Variants in SMARCC1 observed in about 807,000 individuals in gnomAD.
SMARCC1 encodes the protein SWI/SNF related BAF chromatin remodeling complex subunit C1, also known as SWI/SNF complex subunit SMARCC1.
SMARCC1 carries 43 observed loss-of-function variants against 147.4 expected under a neutral mutation model. The ratio of observed to expected loss-of-function variants is 0.29; its 90% confidence interval spans 0.23 to 0.38. The LOEUF (loss-of-function observed/expected upper bound fraction) is 0.38, where lower values mean the gene tolerates loss of function less well. Ranked by LOEUF, SMARCC1 falls within the 10% of genes least tolerant of loss-of-function variation. The pLI, the probability that SMARCC1 is intolerant of heterozygous loss-of-function variation, is 1.00. For missense variants in SMARCC1, 1,119 were observed against 1,381.1 expected, an observed-to-expected ratio of 0.81 and a Z score of 3.01; for synonymous variants, 495 against 484.4, an observed-to-expected ratio of 1.02 and a Z score of -0.29.
At chr3:47,614,841 G>A (rs1440037525) in intron 25 of SMARCC1, among the ~76,000 whole-genome samples, 1 of 152,158 alleles carries the variant, frequency 6.6e-6, no homozygotes, top group Non-Finnish European at 1.5e-5. Flanking sequence ...TCACATTTCA[G>A]AGTAAAGCAA....
intron 10 of SMARCC1, among the ~76,000 whole-genome samples, chr3:47,703,194 A>G (rs1329046392): frequency 6.6e-6 from 1 of 152,112 alleles, no homozygotes; most frequent in East Asian, 1.9e-4. Context: ...TCAGCCTCCC[A>G]AAGTGCTAGG....
rs150891115 is a variant in SMARCC1, at chr3:47,605,875, A to G, written c.3043+4191T>C. 3.9e-5 allele frequency among the ~76,000 whole-genome samples: 6 copies of G among 152,312 alleles called. 1 individual carries two copies. Among genetic ancestry groups the G allele is most frequent in the African/African-American group, 1.4e-4 (6 of 41,580 alleles). On this transcript the variant is annotated intron_variant, in intron 26 of 27. Transcript: ENST00000254480. ...AGCCCAACTAGTCTACGGCGCTAGAAGTCAGGACAGTTGTTATCCTTGGAA... is the reference window on the plus strand; with the variant it reads ...AGCCCAACTAGTCTACGGCGCTAGAGGTCAGGACAGTTGTTATCCTTGGAA...
chr3:47,763,929 G>A (rs1278032064), intron 2 of SMARCC1, among the ~76,000 whole-genome samples: 3 of 151,042 alleles, frequency 2.0e-5, no homozygotes, highest in African/African-American at 7.3e-5. Context: ...ATGTTGTCCA[G>A]GCTGGTCTCA....
rs1559632155 is a variant in SMARCC1, at chr3:47,639,640, G to A, written c.2321-860C>T. ...GAGGCAGGAGAATCACTTGAACCAA[G>A]GAGGCGGAGGTTGCAGTGAGCCGAG... On this transcript the variant is annotated intron_variant, in intron 21 of 27. Transcript: ENST00000254480. Among the ~76,000 whole-genome samples, 3 of 152,114 alleles carry A rather than the reference G, an allele frequency of 2.0e-5. No homozygotes were observed. The South Asian group carries it at 6.2e-4, about 32-fold the overall frequency.
chr3:47,694,633 T>G (rs2033826977), intron 11 of SMARCC1, among the ~76,000 whole-genome samples: 1 of 152,206 alleles, frequency 6.6e-6, no homozygotes, highest in Non-Finnish European at 1.5e-5. Flanking sequence ...ACAGCCAAAT[T>G]GCATTGAATG....
Position 47,704,195 on chromosome 3 carries a change from A to T in SMARCC1, c.1040+2214T>A, listed in dbSNP as rs182774645. ...ACAAGTGCTGCATGATGATTTTTTT[A>T]AAAGCCTATAAACCTAAAGGCAGCA... On this transcript the variant is annotated intron_variant, in intron 10 of 27. Transcript: ENST00000254480. Among the ~76,000 whole-genome samples the T allele has an allele frequency of 4.0e-3, 602 of 152,312 alleles. 5 individuals carry two copies. The highest frequency in any genetic ancestry group is 0.013 in the African/African-American group (545 of 41,570).
chr3:47,756,817 T>C (rs1300164200), intron 2 of SMARCC1, among the ~76,000 whole-genome samples: 1 of 152,174 alleles, frequency 6.6e-6, no homozygotes, highest in African/African-American at 2.4e-5. Context: ...AGAAAAAGTT[T>C]ACCGTTTCCT....
intron 3 of SMARCC1, among the ~76,000 whole-genome samples, chr3:47,740,242 C>T (rs1401435607): frequency 2.5e-5 from 3 of 121,120 alleles, no homozygotes; most frequent in Non-Finnish European, 3.2e-5. Flanking sequence ...GTCGTCCAGA[C>T]TGGAGTGCAA....
intron 25 of SMARCC1, among the ~76,000 whole-genome samples, chr3:47,619,728 G>A (rs1224586676): frequency 6.6e-6 from 1 of 152,214 alleles, no homozygotes; most frequent in Non-Finnish European, 1.5e-5. Flanking sequence ...TGTACAGCAT[G>A]GAGTGAGAAG....
chr3:47,622,122 T>C (rs551796701), intron 25 of SMARCC1, 85 bp downstream of exon 25: 2 of 1,206,312 alleles, frequency 1.7e-6, no homozygotes, highest in African/African-American at 1.5e-5. Context: ...GAGAACAGGC[T>C]ACCATTTATT....
chr3:47,633,761 AAAATAT>A (rs1444402907), intron 24 of SMARCC1, among the ~76,000 whole-genome samples: 6 of 31,512 alleles, frequency 1.9e-4, no homozygotes, highest in African/African-American at 4.0e-4. Context: ...AAAAAAAAAA[AAAATAT>A]ATATATATAT....
At chr3:47,767,189 GAAAAAAA>G (rs375076788) in intron 2 of SMARCC1, among the ~76,000 whole-genome samples, 14 of 80,176 alleles carry the variant, frequency 1.7e-4, no homozygotes, top group South Asian at 1.1e-3. Flanking sequence ...TCTCCAAAAA[GAAAAAAA>G]AAAAAAAAAA....
rs1426052071 is a variant in SMARCC1 at position 47,661,322 on chromosome 3, G to A, written c.2292C>T (p.Gly764=). 11 of 1,612,972 alleles carry A rather than the reference G, an allele frequency of 6.8e-6. No individual in the cohort carries two copies. Among genetic ancestry groups the A allele is most frequent in the South Asian group, 4.4e-5 (4 of 90,892 alleles). Residue 764 remains glycine (G), a synonymous_variant, in exon 21 of 28, where the codon GGC becomes GGT. Transcript: ENST00000254480. ...TYGLESSCIA[G]TGPDEPEKLE... The stretch of plus-strand genomic sequence containing the variant: ...GCTTCTCTGGCTCATCGGGCCCTGT[G>A]CCTGCAATGCAGCTGCTCTCCAGAC...
At chr3:47,601,032 A>AGAGAGAGAGG (rs2032375558) in intron 26 of SMARCC1, among the ~76,000 whole-genome samples, 4 of 150,114 alleles carry the variant, frequency 2.7e-5, no homozygotes, top group African/African-American at 9.8e-5. Flanking sequence ...AGAGAGAGAG[A>AGAGAGAGAGG]GAGAGAGAGA....
chr3:47,769,414 A>G (rs556182462), intron 2 of SMARCC1, among the ~76,000 whole-genome samples: 1 of 151,724 alleles, frequency 6.6e-6, no homozygotes, highest in South Asian at 2.1e-4. Context: ...TACTTAGTAG[A>G]GACGGGGTTT....
At chr3:47,647,321 T>C (rs576175760) in intron 21 of SMARCC1, among the ~76,000 whole-genome samples, 1 of 152,324 alleles carries the variant, frequency 6.6e-6, no homozygotes, top group African/African-American at 2.4e-5. Flanking sequence ...GATGTAATAT[T>C]CCATAAATTA....
intron 2 of SMARCC1, among the ~76,000 whole-genome samples, chr3:47,756,728 T>C (rs1000826221): frequency 6.6e-6 from 1 of 152,162 alleles, no homozygotes; most frequent in Non-Finnish European, 1.5e-5. Flanking sequence ...TGTGGCTACT[T>C]TCACACAATA....
At chr3:47,731,464 T>C (rs1192239171) in intron 5 of SMARCC1, among the ~76,000 whole-genome samples, 1 of 152,228 alleles carries the variant, frequency 6.6e-6, no homozygotes, top group Non-Finnish European at 1.5e-5. Context: ...ATCGCATGTG[T>C]TCTTAGTGGC....
intron 1 of SMARCC1, among the ~76,000 whole-genome samples, chr3:47,773,402 CTG>C (rs2034938867): frequency 6.8e-6 from 1 of 146,062 alleles, no homozygotes; most frequent in African/African-American, 2.5e-5. Flanking sequence ...GATAAATCTC[CTG>C]TGTTTTTTAC....
Sources: gnomAD v4.1 joint callset for allele counts (sites outside exome capture counted in the v4.1 genomes callset) on GRCh38, gnomAD v4.1.1 for gene constraint, MANE v1.5 for transcripts, NCBI Gene and HGNC (gene_info 2026-07-23, HGNC 2026-07-21) for gene names.